Variants in KCND2 observed in about 807,000 individuals in gnomAD.
KCND2 encodes potassium voltage-gated channel subfamily D member 2.
In KCND2, 16 loss-of-function variants were observed where a neutral mutation model predicts 54.4. The observed-to-expected ratio is 0.29, with a 90% CI of 0.20 to 0.45. KCND2 has a LOEUF of 0.45. Among genes scored for constraint, KCND2 ranks in the 20% least tolerant of loss-of-function variants. KCND2 has a pLI of 1.00. For missense variants in KCND2, 486 were observed against 824.2 expected, an observed-to-expected ratio of 0.59 and a Z score of 5.02; for synonymous variants, 317 against 310.7, an observed-to-expected ratio of 1.02 and a Z score of -0.21.
At chr7:120,509,668 T>A (rs1803082462) in intron 1 of KCND2, among the ~76,000 whole-genome samples, 1 of 151,686 alleles carries the variant, frequency 6.6e-6, no homozygotes, top group Admixed American at 6.6e-5. Context: ...GAATAAGAGC[T>A]GTGCCATGAG....
intron 1 of KCND2, among the ~76,000 whole-genome samples, chr7:120,398,210 A>G (rs970165250): frequency 6.6e-6 from 1 of 151,348 alleles, no homozygotes; most frequent in Non-Finnish European, 1.5e-5. Flanking sequence ...TAAGATGACA[A>G]TGACCTCATA....
At chr7:120,708,144 A>G (rs1792493327) in intron 1 of KCND2, among the ~76,000 whole-genome samples, 4 of 152,202 alleles carry the variant, frequency 2.6e-5, no homozygotes, top group African/African-American at 9.6e-5. Context: ...AATTTTCATA[A>G]TAGTTGTTAA....
rs1232825565 is a variant in KCND2 at position 120,312,656 on chromosome 7, GTGT to G, written c.1115+36914_1115+36916del. 2.0e-5 allele frequency among the ~76,000 whole-genome samples: 3 copies of G among 152,068 alleles called. No individual in the cohort carries two copies. In the East Asian group the frequency reaches 5.8e-4, roughly 29 times the overall value. ...TTGAATTCTTCACTATTTTTCCCAG[GTGT>G]TGTTCACGGCCTAACTCCTTCAGTA... On this transcript the variant is annotated intron_variant, in intron 1 of 5. Transcript: ENST00000331113.
intron 1 of KCND2, among the ~76,000 whole-genome samples, chr7:120,422,355 C>G (rs1333125909): frequency 6.6e-6 from 1 of 152,002 alleles, no homozygotes; most frequent in South Asian, 2.1e-4. Context: ...CTGTTTTTTC[C>G]TTTTCTTCTT....
At chr7:120,592,751 A>T (rs1380696491) in intron 1 of KCND2, among the ~76,000 whole-genome samples, 1 of 152,190 alleles carries the variant, frequency 6.6e-6, no homozygotes, top group South Asian at 2.1e-4. Flanking sequence ...GATTGTAAAG[A>T]CTAGTAAATA....
intron 1 of KCND2, among the ~76,000 whole-genome samples, chr7:120,589,940 C>T (rs1023084820): frequency 6.6e-6 from 1 of 152,180 alleles, no homozygotes; most frequent in African/African-American, 2.4e-5. Context: ...CAGTCAGAAA[C>T]AGAGCTCTAA....
intron 1 of KCND2, among the ~76,000 whole-genome samples, chr7:120,375,943 T>C (rs958995628): frequency 2.0e-5 from 3 of 151,766 alleles, no homozygotes; most frequent in Non-Finnish European, 4.4e-5. Context: ...AACATTCTTA[T>C]TGAAATCTGA....
chr7:120,313,270 CAAAT>C (rs1799766206), intron 1 of KCND2, among the ~76,000 whole-genome samples: 1 of 151,966 alleles, frequency 6.6e-6, no homozygotes, highest in Admixed American at 6.6e-5. Context: ...TTATCTTAAA[CAAAT>C]TGATTGATAA....
intron 1 of KCND2, among the ~76,000 whole-genome samples, chr7:120,528,123 A>G (rs1791799270): frequency 6.6e-6 from 1 of 152,146 alleles, no homozygotes; most frequent in Non-Finnish European, 1.5e-5. Flanking sequence ...CATTGTCCCA[A>G]TACTCTCAGG....
chr7:120,435,436 A>G (rs1801852393), intron 1 of KCND2, among the ~76,000 whole-genome samples: 1 of 151,916 alleles, frequency 6.6e-6, no homozygotes, highest in Non-Finnish European at 1.5e-5. Context: ...ATTTTAGACA[A>G]GCTACCTCCA....
chr7:120,313,151 C>A (rs975803632), intron 1 of KCND2, among the ~76,000 whole-genome samples: 5 of 152,090 alleles, frequency 3.3e-5, no homozygotes, highest in Admixed American at 1.3e-4. Flanking sequence ...TCTTTGTGAT[C>A]TCATGAAATT....
chr7:120,505,462 T>G (rs1802999807), intron 1 of KCND2, among the ~76,000 whole-genome samples: 1 of 151,842 alleles, frequency 6.6e-6, no homozygotes, highest in Non-Finnish European at 1.5e-5. Context: ...TATATTCTTT[T>G]ATAGTAAAAT....
chr7:120,418,993 C>G (rs996584808), intron 1 of KCND2, among the ~76,000 whole-genome samples: 18 of 152,250 alleles, frequency 1.2e-4, no homozygotes, highest in Admixed American at 1.2e-3. Flanking sequence ...AATATTGAGT[C>G]AGGAAACCCT....
At chr7:120,276,713 A>T (rs1349398143) in intron 1 of KCND2, among the ~76,000 whole-genome samples, 3 of 152,138 alleles carry the variant, frequency 2.0e-5, no homozygotes, top group African/African-American at 7.2e-5. Context: ...GCTAGAATTA[A>T]GTTTTTTTAG....
chr7:120,426,082 T>G (rs1057133402), intron 1 of KCND2, among the ~76,000 whole-genome samples: 1 of 152,140 alleles, frequency 6.6e-6, no homozygotes, highest in Non-Finnish European at 1.5e-5. Context: ...TAAAAATGAA[T>G]AAGAAAATAT....
intron 1 of KCND2, among the ~76,000 whole-genome samples, chr7:120,347,054 T>C (rs984202736): frequency 2.0e-5 from 3 of 152,124 alleles, no homozygotes; most frequent in African/African-American, 7.2e-5. Context: ...TTTTTTTTGT[T>C]CGAAGCTGTA....
intron 1 of KCND2, among the ~76,000 whole-genome samples, chr7:120,313,469 A>G (rs1799768870): frequency 6.6e-6 from 1 of 152,180 alleles, no homozygotes; most frequent in Non-Finnish European, 1.5e-5. Flanking sequence ...AAAATTTTAA[A>G]ACTACATTGT....
chr7:120,738,140 T>C (rs1197408198), intron 2 of KCND2, among the ~76,000 whole-genome samples: 1 of 152,090 alleles, frequency 6.6e-6, no homozygotes, highest in Non-Finnish European at 1.5e-5. Context: ...TACTTCACAA[T>C]ACAAGATTTC....
chr7:120,728,125 T>C (rs1217875570), intron 1 of KCND2, among the ~76,000 whole-genome samples: 1 of 127,346 alleles, frequency 7.9e-6, no homozygotes, highest in Non-Finnish European at 1.6e-5. Context: ...AGAGGGAGAT[T>C]CCGTCTCAAA....
Sources: gnomAD v4.1 joint callset for allele counts (sites outside exome capture counted in the v4.1 genomes callset) on GRCh38, gnomAD v4.1.1 for gene constraint, MANE v1.5 for transcripts, NCBI Gene and HGNC (gene_info 2026-07-23, HGNC 2026-07-21) for gene names.